TUSC3: variants seen among roughly 807,000 people sequenced by gnomAD.
TUSC3 encodes the protein tumor suppressor candidate 3, also known as dolichyl-diphosphooligosaccharide--protein glycosyltransferase subunit TUSC3.
TUSC3 carries 45 observed loss-of-function variants against 44.8 expected under a neutral mutation model. That is an observed-to-expected ratio of 1.00 (90% CI 0.79 to 1.29). TUSC3 has a LOEUF of 1.29. Among genes scored for constraint, TUSC3 ranks in the 50% most tolerant of loss-of-function variants. The probability of loss-of-function intolerance (pLI) is 0.00; values close to 1 mark genes in which losing one functional copy is unlikely to be tolerated. For missense variants in TUSC3, 519 were observed against 437.9 expected (o/e 1.19, Z -1.65); for synonymous variants, 212 against 152.9 (o/e 1.39, Z -2.85).
chr8:15,476,325 C>T (rs927732496), intron 1 of TUSC3, among the ~76,000 whole-genome samples: 2 of 152,082 alleles, frequency 1.3e-5, no homozygotes, highest in East Asian at 1.9e-4. Context: ...TATTCCTCTG[C>T]GTTCTATTAT....
intron 1 of TUSC3, among the ~76,000 whole-genome samples, chr8:15,426,239 G>T (rs145706216): frequency 6.6e-6 from 1 of 152,108 alleles, no homozygotes; most frequent in African/African-American, 2.4e-5. Context: ...TTTTGTTCTT[G>T]TTTCTCTGTG....
chr8:15,733,109 A>G (rs1402789446), intron 7 of TUSC3, among the ~76,000 whole-genome samples: 2 of 152,186 alleles, frequency 1.3e-5, no homozygotes, highest in East Asian at 3.9e-4. Context: ...GTAAGAGATT[A>G]ATGCTTTCTG....
chr8:15,423,979 T>TGTTG (rs1563247199), intron 1 of TUSC3, among the ~76,000 whole-genome samples: 4 of 110,068 alleles, frequency 3.6e-5, no homozygotes, highest in Non-Finnish European at 5.6e-5. Context: ...GTTTTTTTTT[T>TGTTG]TTTTTTTTTT....
At chr8:15,654,277 A>C (rs999291765) in intron 3 of TUSC3, among the ~76,000 whole-genome samples, 8 of 152,140 alleles carry the variant, frequency 5.3e-5, no homozygotes, top group African/African-American at 1.9e-4. Context: ...TGAGAGAAAC[A>C]AACATGAACA....
At chr8:15,488,525 T>C (rs1800764706) in intron 2 of TUSC3, among the ~76,000 whole-genome samples, 1 of 152,056 alleles carries the variant, frequency 6.6e-6, no homozygotes, top group South Asian at 2.1e-4. Context: ...TTTTTTGTCA[T>C]CTTGGTAATA....
chr8:15,648,725 CAAAAAAA>C (rs58526383), intron 2 of TUSC3, among the ~76,000 whole-genome samples: 358 of 26,128 alleles, frequency 0.014, 2 homozygotes, highest in East Asian at 0.052. Flanking sequence ...GACTCTGTGT[CAAAAAAA>C]AAAAAAAAAA....
chr8:15,835,408 G>A, the TUSC3 span, among the ~76,000 whole-genome samples: 1 of 151,752 alleles, frequency 6.6e-6, no homozygotes, highest in Non-Finnish European at 1.5e-5. Context: ...TATATCATTA[G>A]TTCACACTTT....
chr8:15,610,240 C>T (rs1048525348), intron 1 of TUSC3, among the ~76,000 whole-genome samples: 7 of 151,982 alleles, frequency 4.6e-5, no homozygotes, highest in South Asian at 2.1e-4. Flanking sequence ...TTCATTGATC[C>T]GATTTTGTTA....
intron 6 of TUSC3, among the ~76,000 whole-genome samples, chr8:15,698,282 A>G (rs4379450): frequency 0.61 from 92,723 of 151,764 alleles, 30,093 homozygotes; most frequent in Non-Finnish European, 0.72. Flanking sequence ...CTGCCAAGAA[A>G]AAAAATTATT....
chr8:15,811,659 T>A, the TUSC3 span, among the ~76,000 whole-genome samples: 2 of 152,216 alleles, frequency 1.3e-5, no homozygotes, highest in Non-Finnish European at 2.9e-5. Flanking sequence ...AATTGACCTA[T>A]GAATTCAATT....
intron 2 of TUSC3, among the ~76,000 whole-genome samples, chr8:15,486,696 G>A (rs1207100013): frequency 2.6e-5 from 4 of 152,034 alleles, no homozygotes; most frequent in Non-Finnish European, 4.4e-5. Flanking sequence ...ACCTGCCTCC[G>A]CCTCCCAAAG....
chr8:15,525,170 G>A (rs899131615), intron 2 of TUSC3, among the ~76,000 whole-genome samples: 5 of 152,150 alleles, frequency 3.3e-5, no homozygotes, highest in African/African-American at 9.7e-5. Context: ...TGGTGCCCAC[G>A]TATATATGCC....
At chr8:15,718,603 T>C (rs548257093) in intron 6 of TUSC3, among the ~76,000 whole-genome samples, 1 of 152,198 alleles carries the variant, frequency 6.6e-6, no homozygotes, top group South Asian at 2.1e-4. Context: ...GAGAGAAATA[T>C]AAAAAGAGAA....
intron 1 of TUSC3, among the ~76,000 whole-genome samples, chr8:15,476,326 G>A (rs938831120): frequency 4.6e-5 from 7 of 152,012 alleles, no homozygotes; most frequent in East Asian, 1.9e-4. Context: ...ATTCCTCTGC[G>A]TTCTATTATA....
intron 1 of TUSC3, among the ~76,000 whole-genome samples, chr8:15,431,850 T>TA (rs1340829744): frequency 6.7e-6 from 1 of 148,706 alleles, no homozygotes; most frequent in East Asian, 2.0e-4. Context: ...CTCTACCTAT[T>TA]ATGTTCAGCC....
chr8:15,597,868 G>C (rs982346163), intron 1 of TUSC3, among the ~76,000 whole-genome samples: 1 of 151,920 alleles, frequency 6.6e-6, no homozygotes, highest in Non-Finnish European at 1.5e-5. Flanking sequence ...AGTTGGTAAT[G>C]GGGAAAAACA....
intron 9 of TUSC3, 118 bp from the exon 10 acceptor site, chr8:15,757,673 G>A: frequency 1.6e-6 from 2 of 1,218,482 alleles, no homozygotes; most frequent in Non-Finnish European, 1.2e-6. Flanking sequence ...TCTATCCCCT[G>A]TCTTATCTAG....
chr8:15,487,171 A>G (rs1800743851), intron 2 of TUSC3, among the ~76,000 whole-genome samples: 1 of 152,114 alleles, frequency 6.6e-6, no homozygotes, highest in African/African-American at 2.4e-5. Flanking sequence ...TAATGATTTT[A>G]GTTCTTTATA....
chr8:15,737,739 C>G (rs1056337893), intron 7 of TUSC3, among the ~76,000 whole-genome samples: 1 of 152,102 alleles, frequency 6.6e-6, no homozygotes, highest in Non-Finnish European at 1.5e-5. Flanking sequence ...TCTTTTTGGT[C>G]AGACGTAGAA....
Sources: gnomAD v4.1 joint callset for allele counts (sites outside exome capture counted in the v4.1 genomes callset) on GRCh38, gnomAD v4.1.1 for gene constraint, MANE v1.5 for transcripts, NCBI Gene and HGNC (gene_info 2026-07-23, HGNC 2026-07-21) for gene names.